Variants in CDCA2 observed in about 807,000 individuals in gnomAD.
CDCA2 encodes the protein cell division cycle-associated protein 2.
In CDCA2, 44 loss-of-function variants were observed where a neutral mutation model predicts 67.0. The ratio of observed to expected loss-of-function variants is 0.66; its 90% CI spans 0.52 to 0.84. The LOEUF (loss-of-function observed/expected upper bound fraction) is 0.84, where lower values mean the gene tolerates loss of function less well. CDCA2 is among the 40% of genes least tolerant of loss of function. The pLI, the probability that CDCA2 is intolerant of heterozygous loss-of-function variation, is 0.00. For missense variants in CDCA2, 1,253 were observed against 1,203.2 expected (o/e 1.04, Z -0.61); for synonymous variants, 447 against 418.7 (o/e 1.07, Z -0.82).
intron 7 of CDCA2, among the ~76,000 whole-genome samples, chr8:25,477,063 A>C (rs1207851603): frequency 6.6e-6 from 1 of 152,136 alleles, no homozygotes; most frequent in Non-Finnish European, 1.5e-5. Flanking sequence ...CAAAACTTTT[A>C]AGAGAAGGCC....
Position 25,478,884 on chromosome 8 carries a change from GTGTGTA to G in CDCA2, c.821-1027_821-1022del, listed in dbSNP as rs201148103. ...AGCATATATTAACTACTTGTTGTGT[GTGTGTA>G]TATATATATATATATATATATATTA... On this transcript the variant is annotated intron_variant, in intron 7 of 14. Coordinates refer to ENST00000330560, the MANE Select transcript of CDCA2 (RefSeq NM_152562.4). Among the ~76,000 whole-genome samples the G allele has an allele frequency of 2.3e-3, 270 of 117,432 alleles. 1 individual carries two copies. Among genetic ancestry groups the G allele is most frequent in the East Asian group, 5.4e-3 (24 of 4,434 alleles). The allele number at this position is 117,432 out of a possible 152,430, so 77.0% of individuals were successfully genotyped here.
chr8:25,503,335 A>T, intron 13 of CDCA2, 38 bp from the exon 14 acceptor site: 1 of 1,498,322 alleles, frequency 6.7e-7, no homozygotes, highest in African/African-American at 1.4e-5. Context: ...ATGGTGCTAC[A>T]TCTTTCTCAA....
intron 13 of CDCA2, among the ~76,000 whole-genome samples, chr8:25,502,638 G>A (rs923336047): frequency 1.3e-5 from 2 of 151,864 alleles, no homozygotes; most frequent in South Asian, 2.1e-4. Context: ...TCCGGACCTG[G>A]GAGCATAAAG....
In CDCA2 at chr8:25,488,697, T is replaced by C. The variant is rs376437624; in HGVS notation, c.1671+8T>C. 104 of 1,595,920 alleles carry C rather than the reference T, an allele frequency of 6.5e-5. No individual in the cohort carries two copies. The highest frequency in any genetic ancestry group is 7.8e-5 in the Non-Finnish European group (91 of 1,173,978). On this transcript the variant is annotated splice_region_variant and intron_variant, in intron 13 of 14. Transcript: ENST00000330560. ...CTTCCTAAGAAGAGTCAGGTAAGCA[T>C]GTGTTTAAAGATATAATAAAGAGTA...
At chr8:25,460,577 T>C (rs1802643280) in intron 3 of CDCA2, 23 bp downstream of exon 3, 1 of 1,592,746 alleles carries the variant, frequency 6.3e-7, no homozygotes, top group South Asian at 1.1e-5. Context: ...GTCATTCTGT[T>C]GTAATGCTTT....
chr8:25,503,254 GC>G, intron 13 of CDCA2, 118 bp from the exon 14 acceptor site: 2 of 752,714 alleles, frequency 2.7e-6, no homozygotes, highest in South Asian at 3.6e-5. Flanking sequence ...CTGCACTCCA[GC>G]CTGGATGACA....
Position 25,461,055 on chromosome 8 carries a change from G to A in CDCA2, c.232+501G>A, listed in dbSNP as rs896084586. Reference sequence around the variant, plus strand: ...GGCCGAGGCAGGCAGATCACCGGAGGTCAGGAGTTCGAGACCAGCCTGACC... The same window carrying A: ...GGCCGAGGCAGGCAGATCACCGGAGATCAGGAGTTCGAGACCAGCCTGACC... On this transcript the variant is annotated intron_variant, in intron 3 of 14. Coordinates refer to ENST00000330560, the MANE Select transcript of CDCA2 (RefSeq NM_152562.4). Among the ~76,000 whole-genome samples, 3 of 152,062 alleles carry A rather than the reference G, an allele frequency of 2.0e-5. No homozygotes were observed. In the East Asian group the frequency reaches 5.8e-4, roughly 29 times the overall value.
At chr8:25,471,211 A>G (rs576381211) in intron 7 of CDCA2, among the ~76,000 whole-genome samples, 1 of 152,122 alleles carries the variant, frequency 6.6e-6, no homozygotes, top group Non-Finnish European at 1.5e-5. Context: ...CTTCTTTAGC[A>G]TTTTTGTAGT....
Position 25,506,986 on chromosome 8 carries a change from G to A in CDCA2, c.2320G>A (p.Glu774Lys). 1 of 1,614,140 alleles carries A rather than the reference G, an allele frequency of 6.2e-7. No individual in the cohort carries two copies. The highest frequency in any genetic ancestry group is 8.5e-7 in the Non-Finnish European group (1 of 1,180,004). ...ERKDDFLGAA[E>K]GKLQCNRLMP... ...AAAGGATGACTTCTTAGGAGCTGCA[G>A]AAGGAAAACTGCAATGCAATCGTTT... The change falls in exon 15 of 15, where the codon GAA (glutamate) becomes AAA (lysine). Residue 774 changes from glutamate (E) to lysine (K), a missense_variant. Physicochemically the swap from Glu to Lys is moderately conservative, Grantham distance 56 (BLOSUM62 1). Transcript: ENST00000330560.
At chr8:25,465,027 A>G (rs1305293417) in intron 4 of CDCA2, among the ~76,000 whole-genome samples, 1 of 152,154 alleles carries the variant, frequency 6.6e-6, no homozygotes, top group Admixed American at 6.5e-5. Flanking sequence ...AGCCTGAAGT[A>G]CAGTGGCATG....
At chr8:25,476,547 C>G (rs948306356) in intron 7 of CDCA2, among the ~76,000 whole-genome samples, 7 of 151,518 alleles carry the variant, frequency 4.6e-5, no homozygotes, top group African/African-American at 1.7e-4. Flanking sequence ...TAGGGCCAGC[C>G]TCTTTTTTTT....
At chr8:25,491,310 A>T (rs1803993951) in intron 13 of CDCA2, among the ~76,000 whole-genome samples, 2 of 152,154 alleles carry the variant, frequency 1.3e-5, no homozygotes, top group Admixed American at 6.5e-5. Flanking sequence ...AAATAAGAGG[A>T]TTTCCTAGAA....
Position 25,506,554 on chromosome 8 carries a change from A to G in CDCA2, c.1888A>G (p.Lys630Glu), listed in dbSNP as rs779597883. Residue 630 changes from lysine (K) to glutamate (E), a missense_variant, in exon 15 of 15, where the codon AAA (lysine) becomes GAA (glutamate). Coordinates refer to ENST00000330560, the MANE Select transcript of CDCA2 (RefSeq NM_152562.4). ...CAAACTGGAAGAAGTGAAGACTCCT[A>G]AAAATCCAGTGAAAAGAAAGGATCT... Reference protein sequence around the residue: ...NGKLEEVKTPKNPVKRKDLLR... With the variant: ...NGKLEEVKTPENPVKRKDLLR... 2 of 1,595,518 alleles carry G rather than the reference A, an allele frequency of 1.3e-6. No homozygotes were observed. The highest frequency in any genetic ancestry group is 1.2e-5 in the South Asian group (1 of 86,564).
At chr8:25,497,179 A>G (rs1804256443) in intron 13 of CDCA2, among the ~76,000 whole-genome samples, 1 of 152,078 alleles carries the variant, frequency 6.6e-6, no homozygotes, top group East Asian at 1.9e-4. Context: ...CCATTGTGGG[A>G]AACATTACGG....
At chr8:25,463,738 C>T (rs1802792109) in intron 4 of CDCA2, among the ~76,000 whole-genome samples, 1 of 152,168 alleles carries the variant, frequency 6.6e-6, no homozygotes, top group Admixed American at 6.5e-5. Flanking sequence ...GAATCATTCA[C>T]CCGGCTGCTC....
chr8:25,489,789 A>G (rs1803930850), intron 13 of CDCA2, among the ~76,000 whole-genome samples: 1 of 152,156 alleles, frequency 6.6e-6, no homozygotes. Flanking sequence ...TTGCCCTTGT[A>G]AATTGTTTAT....
At chr8:25,482,104 G>A (rs1803594170) in intron 8 of CDCA2, among the ~76,000 whole-genome samples, 1 of 152,198 alleles carries the variant, frequency 6.6e-6, no homozygotes, top group African/African-American at 2.4e-5. Flanking sequence ...CTGAGCTCCA[G>A]GGGCCCTGTG....
At chr8:25,462,498 G>A (rs1025271934) in intron 4 of CDCA2, among the ~76,000 whole-genome samples, 1 of 102,390 alleles carries the variant, frequency 9.8e-6, no homozygotes, top group Non-Finnish European at 2.2e-5. Context: ...GTGGTGGCAG[G>A]TTCCCGAAAT....
At chr8:25,502,031 G>A (rs1804498163) in intron 13 of CDCA2, among the ~76,000 whole-genome samples, 1 of 152,114 alleles carries the variant, frequency 6.6e-6, no homozygotes. Context: ...CTGAGTAGCT[G>A]GGACTACAGG....
Sources: allele counts gnomAD v4.1 joint callset (sites outside exome capture counted in the v4.1 genomes callset), GRCh38; gene constraint gnomAD v4.1.1; transcripts MANE v1.5; gene names NCBI Gene and HGNC (gene_info 2026-07-23, HGNC 2026-07-21).